TANC2: variants seen among roughly 807,000 people sequenced by gnomAD.
TANC2 encodes the protein protein TANC2.
TANC2 carries 26 observed loss-of-function variants against 210.5 expected under a neutral mutation model. The ratio of observed to expected loss-of-function variants is 0.12; its 90% CI spans 0.09 to 0.17. The LOEUF (loss-of-function observed/expected upper bound fraction) is 0.17, where lower values mean the gene tolerates loss of function less well. Ranked by LOEUF, TANC2 falls within the 10% of genes least tolerant of loss-of-function variation. The pLI is 1.00. For synonymous variants in TANC2, 931 were observed against 967.1 expected (o/e 0.96, Z 0.69); for missense variants, 2,129 against 2,608.9 (o/e 0.82, Z 4.01).
chr17:63,148,594 C>G (rs1400729577), intron 4 of TANC2: 2 of 152,128 alleles, frequency 1.3e-5, no homozygotes, highest in Non-Finnish European at 2.9e-5. Flanking sequence ...AGTGTCAGTT[C>G]CAATCACTTA....
At chr17:63,179,791 C>T (rs924510066) in intron 5 of TANC2, among the ~76,000 whole-genome samples, 2 of 151,994 alleles carry the variant, frequency 1.3e-5, no homozygotes, top group South Asian at 4.1e-4. Flanking sequence ...CTCCCCTCAC[C>T]CTCCCAAAAT....
intron 1 of TANC2, among the ~76,000 whole-genome samples, chr17:62,994,419 A>AT (rs1006128817): frequency 4.7e-5 from 7 of 149,498 alleles, no homozygotes; most frequent in African/African-American, 1.7e-4. Flanking sequence ...TAAATGGATG[A>AT]TTTTTTCTTG....
chr17:63,413,721 A>T, intron 25 of TANC2, 87 bp downstream of exon 25: 2 of 1,257,384 alleles, frequency 1.6e-6, no homozygotes, highest in Non-Finnish European at 2.2e-6. Context: ...GATAATTCTC[A>T]TCCTTTGCGT....
At chr17:63,053,977 G>C (rs2035676026) in intron 2 of TANC2, among the ~76,000 whole-genome samples, 1 of 152,144 alleles carries the variant, frequency 6.6e-6, no homozygotes, top group African/African-American at 2.4e-5. Flanking sequence ...TGGTCTCTCT[G>C]CTTTGTCTAC....
At chr17:63,391,005 C>T (rs1044889856) in intron 17 of TANC2, 2 of 152,182 alleles carry the variant, frequency 1.3e-5, no homozygotes, top group Admixed American at 1.3e-4. Flanking sequence ...CGTACGCTCA[C>T]CTCTACTTTG....
chr17:63,117,480 C>G (rs2038296410), intron 4 of TANC2, among the ~76,000 whole-genome samples: 1 of 152,232 alleles, frequency 6.6e-6, no homozygotes, highest in African/African-American at 2.4e-5. Context: ...TACCACAGTG[C>G]TTCTCTGGAT....
At chr17:63,209,799 A>G (rs1262107531) in intron 7 of TANC2, among the ~76,000 whole-genome samples, 1 of 152,028 alleles carries the variant, frequency 6.6e-6, no homozygotes, top group Non-Finnish European at 1.5e-5. Flanking sequence ...AGACATCATT[A>G]TCAGGTTTTT....
intron 1 of TANC2, chr17:63,005,084 ATCTT>A (rs1210742036): frequency 6.6e-6 from 1 of 152,252 alleles, no homozygotes; most frequent in Non-Finnish European, 1.5e-5. Flanking sequence ...TTTAAAAAAA[ATCTT>A]TATAATTTTA....
chr17:63,045,440 T>G (rs1355541601), intron 2 of TANC2, among the ~76,000 whole-genome samples: 1 of 152,220 alleles, frequency 6.6e-6, no homozygotes, highest in East Asian at 1.9e-4. Flanking sequence ...AATCTATCAT[T>G]CTTTTTTATA....
chr17:62,968,066 A>G (rs1179873507), intron 1 of TANC2, among the ~76,000 whole-genome samples: 1 of 152,218 alleles, frequency 6.6e-6, no homozygotes, highest in Non-Finnish European at 1.5e-5. Flanking sequence ...GAAATTACCA[A>G]CATGCTGCAA....
At chr17:63,124,668 C>A (rs1391739322) in intron 4 of TANC2, among the ~76,000 whole-genome samples, 1 of 152,188 alleles carries the variant, frequency 6.6e-6, no homozygotes, top group Non-Finnish European at 1.5e-5. Flanking sequence ...ATCCCCAACG[C>A]TCAGGCTGCA....
intron 3 of TANC2, among the ~76,000 whole-genome samples, chr17:63,091,987 G>T (rs1054159250): frequency 1.3e-5 from 2 of 151,998 alleles, no homozygotes; most frequent in African/African-American, 4.8e-5. Context: ...GTGAATGGGA[G>T]TTCACTCATG....
At chr17:63,274,805 C>G (rs1185222889) in intron 9 of TANC2, among the ~76,000 whole-genome samples, 6 of 151,906 alleles carry the variant, frequency 3.9e-5, no homozygotes, top group Non-Finnish European at 7.4e-5. Context: ...GCAACAGTCT[C>G]AAAAAAATTG....
chr17:63,030,223 G>C (rs944463517), intron 2 of TANC2, among the ~76,000 whole-genome samples: 6 of 151,982 alleles, frequency 3.9e-5, no homozygotes, highest in Admixed American at 2.0e-4. Flanking sequence ...TCTCCTCCCT[G>C]GTCAGTTTTG....
intron 2 of TANC2, among the ~76,000 whole-genome samples, chr17:63,014,227 T>G (rs1394552726): frequency 1.3e-5 from 2 of 152,218 alleles, no homozygotes; most frequent in East Asian, 1.9e-4. Context: ...TAAATCTTTA[T>G]TGGTATTCTT....
intron 8 of TANC2, among the ~76,000 whole-genome samples, chr17:63,255,087 ATTTATTTATTTATTTATTTTT>A (rs1293219133): frequency 3.4e-5 from 5 of 146,204 alleles, no homozygotes; most frequent in African/African-American, 1.3e-4. Flanking sequence ...TTATTTATTT[ATTTATTTATTTATTTATTTTT>A]ATTTATTTAT....
intron 1 of TANC2, among the ~76,000 whole-genome samples, chr17:63,000,116 T>TA (rs2033305735): frequency 6.6e-6 from 1 of 152,138 alleles, no homozygotes; most frequent in Admixed American, 6.5e-5. Flanking sequence ...ATCAAAAAAT[T>TA]ACCTATTAGA....
At chr17:63,189,743 C>G (rs2041121079) in intron 5 of TANC2, among the ~76,000 whole-genome samples, 1 of 152,156 alleles carries the variant, frequency 6.6e-6, no homozygotes, top group Admixed American at 6.5e-5. Context: ...TGAAGCATGA[C>G]ACTTCTTAAT....
chr17:63,079,899 A>G (rs1048056151), intron 3 of TANC2, among the ~76,000 whole-genome samples: 14 of 152,106 alleles, frequency 9.2e-5, no homozygotes, highest in Non-Finnish European at 1.3e-4. Context: ...GAGACCTCCA[A>G]TGTCTTCTGC....
Sources: gnomAD v4.1 joint callset for allele counts (sites outside exome capture counted in the v4.1 genomes callset) on GRCh38, gnomAD v4.1.1 for gene constraint, MANE v1.5 for transcripts, NCBI Gene and HGNC (gene_info 2026-07-23, HGNC 2026-07-21) for gene names.